Variants in VRK2 observed in about 807,000 individuals in gnomAD.
The protein encoded by VRK2 is serine/threonine-protein kinase VRK2.
In VRK2, 60 loss-of-function variants were observed where a neutral mutation model predicts 57.6. The observed-to-expected ratio is 1.04, with a 90% CI of 0.85 to 1.29. The LOEUF (loss-of-function observed/expected upper bound fraction) is 1.29. Among genes scored for constraint, VRK2 ranks in the 50% most tolerant of loss-of-function variants. VRK2 has a pLI of 0.00. For synonymous variants in VRK2, 231 were observed against 199.2 expected, an observed-to-expected ratio of 1.16 and a Z score of -1.35; for missense variants, 705 against 588.1, an observed-to-expected ratio of 1.20 and a Z score of -2.06.
At chr2:58,065,503 A>G (rs1050703904) in intron 2 of VRK2, among the ~76,000 whole-genome samples, 1 of 152,092 alleles carries the variant, frequency 6.6e-6, no homozygotes, top group Non-Finnish European at 1.5e-5. Context: ...AATGTATCAC[A>G]GTTTGTGTAT....
At chr2:58,119,166 T>C (rs1677016297) in intron 7 of VRK2, among the ~76,000 whole-genome samples, 1 of 152,108 alleles carries the variant, frequency 6.6e-6, no homozygotes, top group African/African-American at 2.4e-5. Flanking sequence ...GAGATCTTGG[T>C]TCTGAGGCTT....
intron 11 of VRK2, among the ~76,000 whole-genome samples, chr2:58,145,082 G>T (rs530467139): frequency 6.6e-6 from 1 of 151,882 alleles, no homozygotes; most frequent in Admixed American, 6.6e-5. Context: ...AAAAGGTGAT[G>T]GCACTTTCAG....
At chr2:58,120,243 T>A (rs1217064806) in intron 7 of VRK2, among the ~76,000 whole-genome samples, 1 of 140,252 alleles carries the variant, frequency 7.1e-6, no homozygotes, top group African/African-American at 2.7e-5. Context: ...CAGGCTGGAG[T>A]GCAGTGGCAC....
chr2:58,154,321 CTTTTTT>C (rs149177287), intron 12 of VRK2, among the ~76,000 whole-genome samples: 2 of 146,124 alleles, frequency 1.4e-5, no homozygotes, highest in Non-Finnish European at 3.0e-5. Flanking sequence ...CTTTGGATTT[CTTTTTT>C]TTTTAATTCT....
chr2:57,921,391 A>T (rs1670343863), intron 1 of VRK2, among the ~76,000 whole-genome samples: 4 of 151,996 alleles, frequency 2.6e-5, no homozygotes, highest in Admixed American at 2.6e-4. Flanking sequence ...TGCAAAATGT[A>T]TACTATATCT....
Position 58,089,638 on chromosome 2 carries a change from T to C in VRK2, c.458T>C (p.Val153Ala). The change falls in exon 7 of 13, where the codon GTA becomes GCA. Residue 153 changes from valine (V) to alanine (A), a missense_variant. By Grantham distance (64) the Val-to-Ala change is moderately conservative. Coordinates refer to ENST00000340157, the MANE Select transcript of VRK2 (RefSeq NM_006296.7). The stretch of plus-strand genomic sequence containing the variant: ...ATCTATTTATTTTCACAGTTGGATG[T>C]ACTGGAATATATACATGAAAATGAA... ...VLQLGIRMLD[V>A]LEYIHENEYV... 2 of 1,585,934 alleles carry C rather than the reference T, an allele frequency of 1.3e-6. No individual in the cohort carries two copies. The highest frequency in any genetic ancestry group is 1.7e-6 in the Non-Finnish European group (2 of 1,162,432).
chr2:58,103,901 C>CAAATAGGTTT (rs1162139690), intron 7 of VRK2, among the ~76,000 whole-genome samples: 1 of 151,754 alleles, frequency 6.6e-6, no homozygotes, highest in Non-Finnish European at 1.5e-5. Flanking sequence ...ACACCATGAT[C>CAAATAGGTTT]AAATAGGTTT....
intron 12 of VRK2, 47 bp from the exon 13 acceptor site, chr2:58,159,302 A>G: frequency 8.5e-6 from 12 of 1,405,564 alleles, no homozygotes; most frequent in Non-Finnish European, 1.1e-5. Flanking sequence ...AAATACTTGG[A>G]TAACTCACGT....
intron 1 of VRK2, among the ~76,000 whole-genome samples, chr2:57,964,199 T>A (rs1298371209): frequency 6.6e-6 from 1 of 152,144 alleles, no homozygotes; most frequent in Admixed American, 6.6e-5. Flanking sequence ...ACTGATAACA[T>A]AAGCAGTCAA....
At chr2:58,010,619 G>A (rs1378200926) in intron 1 of VRK2, among the ~76,000 whole-genome samples, 7 of 152,098 alleles carry the variant, frequency 4.6e-5, no homozygotes, top group African/African-American at 2.4e-5. Context: ...GGGGTATGCA[G>A]GGAGTTTCCT....
At chr2:58,082,922 A>G (rs1392564371) in intron 2 of VRK2, among the ~76,000 whole-genome samples, 4 of 151,828 alleles carry the variant, frequency 2.6e-5, no homozygotes, top group African/African-American at 7.2e-5. Context: ...TACAATTTAT[A>G]TATTTTAATA....
intron 1 of VRK2, chr2:58,047,361 T>C (rs183702291): frequency 2.1e-6 from 2 of 942,354 alleles, no homozygotes; most frequent in East Asian, 1.2e-4. Context: ...TGAGGACTCA[T>C]CTTAGCCCTG....
intron 1 of VRK2, among the ~76,000 whole-genome samples, chr2:57,991,133 C>T (rs1672753887): frequency 6.6e-6 from 1 of 152,180 alleles, no homozygotes; most frequent in East Asian, 1.9e-4. Context: ...ATCAGTGAAC[C>T]CATGAGCAGT....
At chr2:58,007,386 C>G (rs999249677) in intron 1 of VRK2, among the ~76,000 whole-genome samples, 1 of 151,858 alleles carries the variant, frequency 6.6e-6, no homozygotes, top group Non-Finnish European at 1.5e-5. Context: ...CATAGGTCCA[C>G]TTAACATGTG....
chr2:58,024,749 T>A (rs1163195859), intron 1 of VRK2, among the ~76,000 whole-genome samples: 1 of 152,188 alleles, frequency 6.6e-6, no homozygotes, highest in Admixed American at 6.5e-5. Flanking sequence ...AAGAATCGAC[T>A]CCTACAATAC....
chr2:57,947,410 A>G (rs2103969563), intron 1 of VRK2, among the ~76,000 whole-genome samples: 1 of 152,316 alleles, frequency 6.6e-6, no homozygotes, highest in African/African-American at 2.4e-5. Flanking sequence ...AATAACACAG[A>G]TACTCTAGGA....
intron 2 of VRK2, among the ~76,000 whole-genome samples, chr2:58,080,353 T>C (rs1670683386): frequency 6.6e-6 from 1 of 151,990 alleles, no homozygotes; most frequent in African/African-American, 2.4e-5. Context: ...ATGTTTTTAA[T>C]TATTAGTGTT....
intron 1 of VRK2, among the ~76,000 whole-genome samples, chr2:57,953,353 C>A (rs942174585): frequency 6.6e-6 from 1 of 152,170 alleles, no homozygotes; most frequent in Non-Finnish European, 1.5e-5. Context: ...GGATTTGTCA[C>A]TACTTTCCTC....
intron 4 of VRK2, 98 bp downstream of exon 4, chr2:58,085,048 T>G: frequency 1.8e-6 from 2 of 1,107,724 alleles, no homozygotes; most frequent in African/African-American, 1.6e-5. Context: ...AAAATTCTTT[T>G]CAATAGAAAT....
Sources: gnomAD v4.1 joint callset for allele counts (sites outside exome capture counted in the v4.1 genomes callset) on GRCh38, gnomAD v4.1.1 for gene constraint, MANE v1.5 for transcripts, NCBI Gene and HGNC (gene_info 2026-07-23, HGNC 2026-07-21) for gene names.